ARHGAP18: variants seen among roughly 807,000 people sequenced by gnomAD.
ARHGAP18 encodes the protein Rho GTPase activating protein 18, also known as rho GTPase-activating protein 18.
In ARHGAP18, 67 loss-of-function variants were observed where a neutral mutation model predicts 86.2. That is an observed-to-expected ratio of 0.78 (90% confidence interval 0.64 to 0.95). The LOEUF (loss-of-function observed/expected upper bound fraction) is 0.95. Among genes scored for constraint, ARHGAP18 ranks in the 40% least tolerant of loss-of-function variants. The pLI, the probability that ARHGAP18 is intolerant of heterozygous loss-of-function variation, is 0.00. For synonymous variants in ARHGAP18, 283 were observed against 280.4 expected, an observed-to-expected ratio of 1.01 and a Z score of -0.09; for missense variants, 691 against 780.4, an observed-to-expected ratio of 0.89 and a Z score of 1.37.
rs556803789 is a variant in ARHGAP18 at position 129,584,062 on chromosome 6, T to A, written c.1764A>T (p.Lys588Asn). 1.5e-5 allele frequency: 24 copies of A among 1,613,746 alleles called. 1 individual carries two copies. Among genetic ancestry groups the A allele is most frequent in the Middle Eastern group, 3.3e-4 (2 of 6,056 alleles). ...VIRVQAPHLS[K>N]VSMAIQLTEE... ...CAGTTAGCTGTATTGCCATGGAAAC[T>A]TTCGAAAGATGGGGAGCTTGCACTC... Residue 588 changes from lysine (K) to asparagine (N), a missense_variant, in exon 13 of 15, where the codon AAA (lysine) becomes AAT (asparagine). Physicochemically the swap from Lys to Asn is moderately conservative, Grantham distance 94. Transcript: ENST00000368149.
chr6:129,593,209 C>T (rs1261985617), intron 12 of ARHGAP18, among the ~76,000 whole-genome samples: 1 of 152,114 alleles, frequency 6.6e-6, no homozygotes, highest in Non-Finnish European at 1.5e-5. Flanking sequence ...CACCTGTAAT[C>T]TCAGGTGTGA....
chr6:129,623,053 C>CAA (rs138522937), intron 5 of ARHGAP18, among the ~76,000 whole-genome samples: 5 of 135,120 alleles, frequency 3.7e-5, no homozygotes, highest in African/African-American at 8.0e-5. Context: ...TAAAAATTTT[C>CAA]AAAAAAAAAT....
At chr6:129,616,118 TG>T in intron 7 of ARHGAP18, 93 bp downstream of exon 7, 3 of 981,530 alleles carry the variant, frequency 3.1e-6, no homozygotes, top group Non-Finnish European at 4.3e-6. Context: ...TGACAGTATA[TG>T]AATTGGAAAA....
chr6:129,683,064 T>TTTTGG (rs1774351811), intron 1 of ARHGAP18, among the ~76,000 whole-genome samples: 2 of 150,192 alleles, frequency 1.3e-5, no homozygotes, highest in African/African-American at 5.0e-5. Flanking sequence ...TCTTTTTTTT[T>TTTTGG]TTTTGTTTTT....
At chr6:129,605,997 A>G in intron 9 of ARHGAP18, 38 bp from the exon 10 acceptor site, 1 of 1,577,042 alleles carries the variant, frequency 6.3e-7, no homozygotes, top group Non-Finnish European at 8.7e-7. Flanking sequence ...TCTTTTCTTC[A>G]GTGAACATTT....
intron 1 of ARHGAP18, among the ~76,000 whole-genome samples, chr6:129,667,372 A>G (rs192230085): frequency 5.3e-4 from 81 of 152,144 alleles, no homozygotes; most frequent in Non-Finnish European, 2.5e-4. Context: ...TGTATCTTTA[A>G]TAAATGCTTT....
chr6:129,663,634 G>A (rs1329450751), intron 1 of ARHGAP18, among the ~76,000 whole-genome samples: 1 of 152,162 alleles, frequency 6.6e-6, no homozygotes, highest in African/African-American at 2.4e-5. Flanking sequence ...AGATTGTATC[G>A]TGACAGAGGA....
intron 1 of ARHGAP18, among the ~76,000 whole-genome samples, chr6:129,662,380 C>A (rs975072413): frequency 1.1e-4 from 16 of 152,244 alleles, no homozygotes; most frequent in Non-Finnish European, 1.9e-4. Context: ...AACACACTCT[C>A]TCCTTTTGAA....
chr6:129,670,763 A>G (rs1402483528), intron 1 of ARHGAP18, among the ~76,000 whole-genome samples: 1 of 149,836 alleles, frequency 6.7e-6, no homozygotes. Flanking sequence ...GAGCTGCCAA[A>G]TCACAATGCT....
intron 2 of ARHGAP18, among the ~76,000 whole-genome samples, chr6:129,640,970 A>G (rs1214387985): frequency 6.6e-6 from 1 of 152,240 alleles, no homozygotes; most frequent in Non-Finnish European, 1.5e-5. Context: ...TGTTTCTCCC[A>G]GAATATCAAA....
At chr6:129,629,885 A>C (rs932409463) in intron 4 of ARHGAP18, among the ~76,000 whole-genome samples, 1 of 152,222 alleles carries the variant, frequency 6.6e-6, no homozygotes, top group African/African-American at 2.4e-5. Flanking sequence ...ACTAAAAGCA[A>C]AAAAAGAAGG....
At chr6:129,663,256 C>G (rs1562716514) in intron 1 of ARHGAP18, among the ~76,000 whole-genome samples, 1 of 152,208 alleles carries the variant, frequency 6.6e-6, no homozygotes, top group Non-Finnish European at 1.5e-5. Context: ...CCTATCTAAG[C>G]TTCACAGCTG....
At chr6:129,653,948 T>G (rs1773773604) in intron 1 of ARHGAP18, among the ~76,000 whole-genome samples, 1 of 151,934 alleles carries the variant, frequency 6.6e-6, no homozygotes, top group South Asian at 2.1e-4. Context: ...GAGGCTGAGG[T>G]GAGAGGATCC....
chr6:129,610,942 G>T (rs557298428), intron 8 of ARHGAP18, among the ~76,000 whole-genome samples: 32 of 151,788 alleles, frequency 2.1e-4, no homozygotes, highest in Non-Finnish European at 4.6e-4. Context: ...TGTCACCCAG[G>T]CTGGAGTGCA....
At chr6:129,646,466 C>T (rs1773581470) in intron 1 of ARHGAP18, among the ~76,000 whole-genome samples, 1 of 152,158 alleles carries the variant, frequency 6.6e-6, no homozygotes, top group South Asian at 2.1e-4. Flanking sequence ...GACTCCTTTA[C>T]ACACTTAAGA....
rs141026635 is a variant in ARHGAP18, at chr6:129,634,099, C to G, written c.559G>C (p.Gly187Arg). The change falls in exon 4 of 15, where the codon GGT becomes CGT. Residue 187 changes from glycine to arginine, a missense_variant. Transcript: ENST00000368149. ...CTAAGTGACTGCGATTCAGTGCCACCTGGAGCCTAAACATAGAAAACAGGC... is the reference window on the plus strand; with the variant it reads ...CTAAGTGACTGCGATTCAGTGCCACGTGGAGCCTAAACATAGAAAACAGGC... ...QQRESKETAP[G>R]GTESQSLRTN... is the part of the protein sequence containing the mutation. The G allele has an allele frequency of 2.3e-5, 37 of 1,613,530 alleles. No homozygotes were observed. The African/African-American group carries it at 4.7e-4, about 20-fold the overall frequency.
chr6:129,654,866 A>G (rs1462963718), intron 1 of ARHGAP18, among the ~76,000 whole-genome samples: 2 of 152,136 alleles, frequency 1.3e-5, no homozygotes, highest in South Asian at 4.1e-4. Context: ...CCTGAGCCCT[A>G]AATTCTGCAC....
intron 13 of ARHGAP18, among the ~76,000 whole-genome samples, chr6:129,583,454 T>C (rs957750317): frequency 6.6e-5 from 10 of 152,324 alleles, no homozygotes; most frequent in African/African-American, 2.4e-4. Flanking sequence ...GAAGGACCTG[T>C]TGTCCTTAAT....
At chr6:129,660,004 A>G (rs972783239) in intron 1 of ARHGAP18, among the ~76,000 whole-genome samples, 2 of 152,154 alleles carry the variant, frequency 1.3e-5, no homozygotes, top group African/African-American at 2.4e-5. Context: ...GAGAACCGTG[A>G]GTGCGGTGAT....
Sources: allele counts gnomAD v4.1 joint callset (sites outside exome capture counted in the v4.1 genomes callset), GRCh38; gene constraint gnomAD v4.1.1; transcripts MANE v1.5; gene names NCBI Gene and HGNC (gene_info 2026-07-23, HGNC 2026-07-21).